TMEM132D: variants seen among roughly 807,000 people sequenced by gnomAD.
TMEM132D encodes mature OL transmembrane protein.
In TMEM132D, 21 loss-of-function variants were observed where a neutral mutation model predicts 62.3. That is an observed-to-expected ratio of 0.34 (90% CI 0.24 to 0.49). TMEM132D has a LOEUF of 0.49. Among genes scored for constraint, TMEM132D ranks in the 20% least tolerant of loss-of-function variants. TMEM132D has a pLI of 0.99. For missense variants in TMEM132D, 1,346 were observed against 1,402.8 expected (o/e 0.96, Z 0.65); for synonymous variants, 621 against 575.6 (o/e 1.08, Z -1.13).
At chr12:129,494,958 T>C (rs1874906210) in intron 3 of TMEM132D, among the ~76,000 whole-genome samples, 1 of 152,120 alleles carries the variant, frequency 6.6e-6, no homozygotes, top group Non-Finnish European at 1.5e-5. Context: ...TTAACACATC[T>C]CAGCTGAGCA....
chr12:129,753,725 C>T (rs1157254140), intron 1 of TMEM132D, among the ~76,000 whole-genome samples: 5 of 152,100 alleles, frequency 3.3e-5, no homozygotes, highest in African/African-American at 4.8e-5. Context: ...ACATTTTTTG[C>T]GTGTTTCCTA....
chr12:129,870,079 C>G (rs1033839985), intron 1 of TMEM132D, among the ~76,000 whole-genome samples: 6 of 152,142 alleles, frequency 3.9e-5, no homozygotes, highest in Non-Finnish European at 8.8e-5. Context: ...GCCTCGAACT[C>G]CTGGGCTCAA....
chr12:129,321,810 C>G lies in TMEM132D; in HGVS notation c.1299+15824G>C, dbSNP rs55992719. Among the ~76,000 whole-genome samples, 1,373 of 152,290 alleles carry G rather than the reference C, an allele frequency of 9.0e-3. 28 individuals are homozygous for G. The highest frequency in any genetic ancestry group is 0.031 in the African/African-American group (1,296 of 41,558). On this transcript the variant is annotated intron_variant, in intron 4 of 8. Coordinates refer to ENST00000422113, the MANE Select transcript of TMEM132D (RefSeq NM_133448.3). ...TCCTGACCTCGTGATCCACCCGCCTCGGCCTCCCAAAGTGCTGGGATTACA... is the reference window on the plus strand; with the variant it reads ...TCCTGACCTCGTGATCCACCCGCCTGGGCCTCCCAAAGTGCTGGGATTACA...
At chr12:129,536,459 C>T (rs962064346) in intron 2 of TMEM132D, among the ~76,000 whole-genome samples, 3 of 152,162 alleles carry the variant, frequency 2.0e-5, no homozygotes, top group African/African-American at 7.2e-5. Context: ...TGCAATCACT[C>T]TTGGCTTCTA....
intron 4 of TMEM132D, among the ~76,000 whole-genome samples, chr12:129,215,981 C>T (rs1490456328): frequency 3.3e-5 from 5 of 152,176 alleles, no homozygotes; most frequent in Non-Finnish European, 7.3e-5. Flanking sequence ...TTATCTCCCA[C>T]CAGGTCCCTC....
chr12:129,747,531 G>A (rs1565971827), intron 1 of TMEM132D, among the ~76,000 whole-genome samples: 2 of 140,650 alleles, frequency 1.4e-5, no homozygotes, highest in African/African-American at 5.4e-5. Flanking sequence ...CACACATTCA[G>A]ACACACACAC....
rs562237905 is a variant in TMEM132D, at chr12:129,876,089, G to A, written c.79+27172C>T. On this transcript the variant is annotated intron_variant, in intron 1 of 8. Coordinates refer to ENST00000422113, the MANE Select transcript of TMEM132D (RefSeq NM_133448.3). ...AAAACATGGTTCCTGGTCTCCAATA[G>A]CTCACTACCTAGTTCCAGAAACAAG... 1.4e-3 allele frequency among the ~76,000 whole-genome samples: 214 copies of A among 152,230 alleles called. 4 individuals carry two copies. Among genetic ancestry groups the A allele is most frequent in the African/African-American group, 5.0e-3 (209 of 41,528 alleles).
At chr12:129,641,527 C>A (rs935312768) in intron 2 of TMEM132D, among the ~76,000 whole-genome samples, 1 of 152,198 alleles carries the variant, frequency 6.6e-6, no homozygotes, top group Non-Finnish European at 1.5e-5. Context: ...CACATCCGTA[C>A]AACTTCCAAA....
At chr12:129,486,895 C>G (rs138537449) in intron 3 of TMEM132D, among the ~76,000 whole-genome samples, 1 of 152,120 alleles carries the variant, frequency 6.6e-6, no homozygotes, top group Non-Finnish European at 1.5e-5. Flanking sequence ...AAAGTAAGTC[C>G]TTGTCTTCAT....
At chr12:129,690,404 T>G (rs1466753814) in intron 2 of TMEM132D, among the ~76,000 whole-genome samples, 2 of 152,054 alleles carry the variant, frequency 1.3e-5, no homozygotes, top group African/African-American at 4.8e-5. Flanking sequence ...AAGAGAGAGA[T>G]TGTCAAAGTA....
chr12:129,358,877 C>T (rs11060270), intron 3 of TMEM132D, among the ~76,000 whole-genome samples: 39,721 of 151,754 alleles, frequency 0.26, 5,921 homozygotes, highest in South Asian at 0.39. Flanking sequence ...GACAAAAAAA[C>T]CCAGGTGGCT....
At chr12:129,830,342 CACTAAAA>C (rs1219171852) in intron 1 of TMEM132D, among the ~76,000 whole-genome samples, 1 of 152,118 alleles carries the variant, frequency 6.6e-6, no homozygotes, top group African/African-American at 2.4e-5. Context: ...CCCTCAAAAT[CACTAAAA>C]GCTAAAAGGA....
In TMEM132D at chr12:129,640,968, A is replaced by G. The variant is rs1879627839; in HGVS notation, c.968+58842T>C. Among the ~76,000 whole-genome samples the G allele has an allele frequency of 2.0e-5, 3 of 152,144 alleles. No individual in the cohort carries two copies. In the South Asian group the frequency reaches 6.2e-4, roughly 32 times the overall value. On this transcript the variant is annotated intron_variant, in intron 2 of 8. Coordinates refer to ENST00000422113, the MANE Select transcript of TMEM132D (RefSeq NM_133448.3). ...GCCTGATGATCTGTCACTGTCTCCC[A>G]TCACCCTCAGATGGGACCATTTAGT...
rs571634585 is a variant in TMEM132D, at chr12:129,284,956, C to T, written c.1299+52678G>A. On this transcript the variant is annotated intron_variant, in intron 4 of 8. Coordinates refer to ENST00000422113, the MANE Select transcript of TMEM132D (RefSeq NM_133448.3). ...ACTGCTAAGGGGTGCATGGCTGTAC[C>T]GTGGAGTGATGGACACGCTTTGGAG... 8.5e-5 allele frequency among the ~76,000 whole-genome samples: 13 copies of T among 152,204 alleles called. No individual in the cohort carries two copies. In the East Asian group the frequency reaches 2.5e-3, roughly 29 times the overall value.
At chr12:129,344,771 C>T (rs775332327) in intron 3 of TMEM132D, among the ~76,000 whole-genome samples, 4 of 152,026 alleles carry the variant, frequency 2.6e-5, no homozygotes, top group Admixed American at 6.6e-5. Context: ...CTTTATTTAA[C>T]GGGTCTTAGG....
chr12:129,240,527 T>C lies in TMEM132D; in HGVS notation c.1300-30864A>G, dbSNP rs551982561. Among the ~76,000 whole-genome samples the C allele has an allele frequency of 1.8e-4, 27 of 152,338 alleles. No homozygotes were observed. In the South Asian group the frequency reaches 5.6e-3, roughly 32 times the overall value. ...CCTAGACCATATATTGTTTTCAAAC[T>C]ATAACAGCATATAAAGGAAGAATGA... On this transcript the variant is annotated intron_variant, in intron 4 of 8. Transcript: ENST00000422113.
At chr12:129,209,491 T>C in intron 5 of TMEM132D, 29 bp downstream of exon 5, 1 of 1,611,942 alleles carries the variant, frequency 6.2e-7, no homozygotes, top group Non-Finnish European at 8.5e-7. Context: ...ACAGCAGGTT[T>C]CTGCAGGGGC....
At chr12:129,286,767 G>A (rs1252051928) in intron 4 of TMEM132D, among the ~76,000 whole-genome samples, 1 of 152,214 alleles carries the variant, frequency 6.6e-6, no homozygotes, top group Non-Finnish European at 1.5e-5. Flanking sequence ...GAGACAGGGA[G>A]CCAAGCATGG....
At chr12:129,652,872 G>A (rs1396868575) in intron 2 of TMEM132D, among the ~76,000 whole-genome samples, 1 of 152,206 alleles carries the variant, frequency 6.6e-6, no homozygotes, top group Non-Finnish European at 1.5e-5. Flanking sequence ...TGGATGTAAA[G>A]TCATGACCCA....
Sources: gnomAD v4.1 joint callset for allele counts (sites outside exome capture counted in the v4.1 genomes callset) on GRCh38, gnomAD v4.1.1 for gene constraint, MANE v1.5 for transcripts, NCBI Gene and HGNC (gene_info 2026-07-23, HGNC 2026-07-21) for gene names.